Variants in SORCS1 observed in about 807,000 individuals in gnomAD.
SORCS1 encodes sortilin related VPS10 domain containing receptor 1, also known as VPS10 domain-containing receptor SorCS1.
Under a neutral mutation model 146.1 loss-of-function variants are expected in SORCS1, and 60 were observed. That is an observed-to-expected ratio of 0.41 (90% CI 0.33 to 0.51). SORCS1 has a LOEUF of 0.51. Among genes scored for constraint, SORCS1 ranks in the 20% least tolerant of loss-of-function variants. The pLI is 0.21. For synonymous variants in SORCS1, 637 were observed against 584.0 expected (o/e 1.09, Z -1.31); for missense variants, 1,352 against 1,487.6 (o/e 0.91, Z 1.50).
At chr10:106,759,102 G>C (rs1386519819) in intron 5 of SORCS1, among the ~76,000 whole-genome samples, 1 of 152,208 alleles carries the variant, frequency 6.6e-6, no homozygotes, top group Admixed American at 6.5e-5. Flanking sequence ...TTAGGGCAGT[G>C]TTTGAAAATG....
At chr10:106,593,020 T>C (rs1845699606) in intron 24 of SORCS1, among the ~76,000 whole-genome samples, 1 of 151,422 alleles carries the variant, frequency 6.6e-6, no homozygotes, top group Non-Finnish European at 1.5e-5. Context: ...ATGAATCTGG[T>C]CCCAGCTACT....
At chr10:107,108,750 C>A (rs1965481654) in intron 1 of SORCS1, among the ~76,000 whole-genome samples, 1 of 152,100 alleles carries the variant, frequency 6.6e-6, no homozygotes, top group Non-Finnish European at 1.5e-5. Context: ...ACTCAAAAGT[C>A]CAAAACCCAA....
chr10:107,066,427 G>A (rs539977163), intron 1 of SORCS1, among the ~76,000 whole-genome samples: 66 of 152,228 alleles, frequency 4.3e-4, no homozygotes, highest in African/African-American at 1.1e-3. Context: ...TATGCAAGCC[G>A]AAAGGAAATC....
At chr10:106,914,283 T>C (rs1952306350) in intron 2 of SORCS1, among the ~76,000 whole-genome samples, 2 of 152,170 alleles carry the variant, frequency 1.3e-5, no homozygotes, top group South Asian at 4.1e-4. Context: ...AGTAATAAAC[T>C]AAAACTGCTA....
chr10:106,926,875 AGAGAGAGAGAG>A (rs765888595), intron 2 of SORCS1, among the ~76,000 whole-genome samples: 1 of 127,150 alleles, frequency 7.9e-6, no homozygotes, highest in African/African-American at 3.2e-5. Context: ...ACAGAGAGAG[AGAGAGAGAGAG>A]AGAGAGAGAG....
chr10:107,075,566 A>C (rs965246928), intron 1 of SORCS1, among the ~76,000 whole-genome samples: 1 of 152,086 alleles, frequency 6.6e-6, no homozygotes, highest in African/African-American at 2.4e-5. Context: ...GGAATTCCCA[A>C]ATTCACAAAC....
intron 17 of SORCS1, among the ~76,000 whole-genome samples, chr10:106,663,696 C>T (rs1380372568): frequency 6.6e-6 from 1 of 152,142 alleles, no homozygotes; most frequent in Non-Finnish European, 1.5e-5. Flanking sequence ...TACCTCTTGC[C>T]AACTCTTGAG....
intron 2 of SORCS1, among the ~76,000 whole-genome samples, chr10:106,952,926 T>C (rs1210361801): frequency 6.6e-6 from 1 of 151,956 alleles, no homozygotes; most frequent in Non-Finnish European, 1.5e-5. Context: ...GAGGCTGTAG[T>C]AAGCTGTGAT....
intron 2 of SORCS1, among the ~76,000 whole-genome samples, chr10:106,934,619 C>T (rs1168454700): frequency 6.6e-6 from 1 of 152,168 alleles, no homozygotes; most frequent in Admixed American, 6.5e-5. Flanking sequence ...GAACCCACTA[C>T]TAGGTATCAC....
intron 1 of SORCS1, among the ~76,000 whole-genome samples, chr10:107,008,184 A>G (rs1244226269): frequency 1.3e-5 from 2 of 152,192 alleles, no homozygotes; most frequent in Non-Finnish European, 2.9e-5. Context: ...TCAATAGTAC[A>G]TAAAATAGTA....
chr10:106,677,939 C>A (rs893845710), intron 12 of SORCS1, among the ~76,000 whole-genome samples: 1 of 152,120 alleles, frequency 6.6e-6, no homozygotes, highest in African/African-American at 2.4e-5. Flanking sequence ...GAAAACTGTT[C>A]TTGTTTAATT....
At chr10:106,645,259 C>T (rs1019811929) in intron 18 of SORCS1, among the ~76,000 whole-genome samples, 3 of 150,896 alleles carry the variant, frequency 2.0e-5, no homozygotes, top group African/African-American at 2.4e-5. Flanking sequence ...ACCTTCACCT[C>T]CTAGGTTCAG....
chr10:106,624,953 G>GC lies in SORCS1; in HGVS notation c.2662+4248dup, dbSNP rs1346341417. 8.5e-5 allele frequency among the ~76,000 whole-genome samples: 13 copies of GC among 152,158 alleles called. 1 individual carries two copies. The highest frequency in any genetic ancestry group is 1.5e-5 in the Non-Finnish European group (1 of 68,032). Reference sequence around the variant, plus strand: ...AGAGGTGAAACTCCAGACCCTGGAGGCCCCCAGCTGGCTGGCTGCGTTAAG... The same window carrying GC: ...AGAGGTGAAACTCCAGACCCTGGAGGCCCCCCAGCTGGCTGGCTGCGTTAAG... On this transcript the variant is annotated intron_variant, in intron 19 of 25. Coordinates refer to ENST00000263054, the MANE Select transcript of SORCS1 (RefSeq NM_052918.5).
At chr10:107,124,180 C>T (rs1412031951) in intron 1 of SORCS1, among the ~76,000 whole-genome samples, 5 of 151,930 alleles carry the variant, frequency 3.3e-5, no homozygotes, top group African/African-American at 1.2e-4. Context: ...TTGTACCACG[C>T]TTCAGTGCTA....
intron 1 of SORCS1, among the ~76,000 whole-genome samples, chr10:107,078,316 A>G (rs1963052974): frequency 6.6e-6 from 1 of 152,188 alleles, no homozygotes; most frequent in South Asian, 2.1e-4. Flanking sequence ...AAATAAAATA[A>G]AAAAGATTAC....
In SORCS1 at chr10:106,990,188, A is replaced by T. The variant is rs182398794; in HGVS notation, c.559-33608T>A. Among the ~76,000 whole-genome samples the T allele has an allele frequency of 4.1e-3, 625 of 152,302 alleles. 1 individual carries two copies. Among genetic ancestry groups the T allele is most frequent in the Non-Finnish European group, 6.2e-3 (419 of 68,032 alleles). ...GACTGTTACTCTCCTAACATATCTC[A>T]TCCAGTCAAGCTCTGACTAAAGCAA... On this transcript the variant is annotated intron_variant, in intron 1 of 25. Coordinates refer to ENST00000263054, the MANE Select transcript of SORCS1 (RefSeq NM_052918.5).
At chr10:107,108,007 G>A (rs1181029916) in intron 1 of SORCS1, among the ~76,000 whole-genome samples, 1 of 152,164 alleles carries the variant, frequency 6.6e-6, no homozygotes, top group Non-Finnish European at 1.5e-5. Context: ...ATCCACGAAC[G>A]CAGAGGGAGA....
intron 18 of SORCS1, among the ~76,000 whole-genome samples, chr10:106,642,593 A>AT (rs1437720889): frequency 6.6e-6 from 1 of 152,158 alleles, no homozygotes; most frequent in African/African-American, 2.4e-5. Context: ...CATGCCAGGG[A>AT]TTTTTTGTCT....
At chr10:107,053,688 C>A (rs1960343363) in intron 1 of SORCS1, among the ~76,000 whole-genome samples, 1 of 152,138 alleles carries the variant, frequency 6.6e-6, no homozygotes, top group South Asian at 2.1e-4. Context: ...AAAGAAGAGG[C>A]AAATCAAATG....
Sources: gnomAD v4.1 joint callset for allele counts (sites outside exome capture counted in the v4.1 genomes callset) on GRCh38, gnomAD v4.1.1 for gene constraint, MANE v1.5 for transcripts, NCBI Gene and HGNC (gene_info 2026-07-23, HGNC 2026-07-21) for gene names.